The following VPS13B variants were observed in gnomAD, a reference collection of about 807,000 sequenced individuals.
The protein encoded by VPS13B is vacuolar protein sorting 13 homolog B, also known as intermembrane lipid transfer protein VPS13B.
VPS13B carries 285 observed loss-of-function variants against 426.4 expected under a neutral mutation model. The ratio of observed to expected loss-of-function variants is 0.67; its 90% CI spans 0.61 to 0.74. The LOEUF (loss-of-function observed/expected upper bound fraction) is 0.74. Among genes scored for constraint, VPS13B ranks in the 30% least tolerant of loss-of-function variants. The pLI is 0.00. For missense variants in VPS13B, 4,537 were observed against 4,782.6 expected (o/e 0.95, Z 1.51); for synonymous variants, 1,676 against 1,676.4 (o/e 1.00, Z 0.01).
intron 33 of VPS13B, among the ~76,000 whole-genome samples, chr8:99,636,575 C>T (rs1829078391): frequency 6.6e-6 from 1 of 151,958 alleles, no homozygotes; most frequent in East Asian, 1.9e-4. Context: ...TAAGAGTACA[C>T]ATCCTTTCCT....
intron 19 of VPS13B, among the ~76,000 whole-genome samples, chr8:99,323,296 C>T (rs1021419201): frequency 1.3e-5 from 2 of 152,142 alleles, no homozygotes; most frequent in African/African-American, 2.4e-5. Context: ...GAGTTTTAAA[C>T]AGTGACTCTT....
rs770945510 is a variant in VPS13B, at chr8:99,853,970, C to T, written c.10581C>T (p.Ser3527=). The T allele has an allele frequency of 6.2e-7, 1 of 1,614,224 alleles. No homozygotes were observed. Among genetic ancestry groups the T allele is most frequent in the Non-Finnish European group, 8.5e-7 (1 of 1,180,050 alleles). ...KTLFDTYLPN[S]RLAGHSTHLS... ...TGTTTGACACCTACCTTCCTAACAGCAGGTTGGCTGGTCACTCCACACACC... is the reference window on the plus strand; with the variant it reads ...TGTTTGACACCTACCTTCCTAACAGTAGGTTGGCTGGTCACTCCACACACC... Residue 3527 remains serine (S), a synonymous_variant, in exon 56 of 62, where the codon AGC becomes AGT. Transcript: ENST00000357162.
chr8:99,433,875 C>G (rs990526228), intron 22 of VPS13B, among the ~76,000 whole-genome samples: 15 of 152,052 alleles, frequency 9.9e-5, no homozygotes, highest in African/African-American at 3.6e-4. Context: ...GATGCGATCT[C>G]AACTCATTGC....
At position 99,109,376 on chromosome 8, in the gene VPS13B, TTTTC is replaced by T. The variant is rs1159497086; in HGVS notation, c.581-1710_581-1707del. On this transcript the variant is annotated intron_variant, in intron 5 of 61. Coordinates refer to ENST00000357162, the MANE Select transcript of VPS13B (RefSeq NM_152564.5). Reference sequence around the variant, plus strand: ...ATCCTTGAAATTTGAATACTTCACTTTTTCTTTCTTTCTTTTTTTTTTTTAAGAG... The same window carrying T: ...ATCCTTGAAATTTGAATACTTCACTTTTTCTTTCTTTTTTTTTTTTAAGAG... Among the ~76,000 whole-genome samples the T allele has an allele frequency of 2.6e-5, 4 of 151,688 alleles. 1 individual carries two copies. The highest frequency in any genetic ancestry group is 4.8e-5 in the African/African-American group (2 of 41,322).
chr8:99,238,240 G>A (rs1816741773), intron 17 of VPS13B, among the ~76,000 whole-genome samples: 1 of 149,990 alleles, frequency 6.7e-6, no homozygotes, highest in East Asian at 1.9e-4. Flanking sequence ...GAGTTTGTGG[G>A]AGTGTGTGTG....
chr8:99,234,060 A>G, intron 17 of VPS13B: 2 of 776,080 alleles, frequency 2.6e-6, no homozygotes, highest in Non-Finnish European at 4.7e-6. Context: ...GCAGCGGGAA[A>G]TCAGTCTGTC....
chr8:99,019,781 T>C (rs749035415), intron 2 of VPS13B, among the ~76,000 whole-genome samples: 2 of 152,240 alleles, frequency 1.3e-5, no homozygotes, highest in Non-Finnish European at 2.9e-5. Flanking sequence ...GCACAATGTC[T>C]CAAAAAGCTT....
At chr8:99,585,861 C>T (rs1826276581) in intron 33 of VPS13B, among the ~76,000 whole-genome samples, 1 of 152,080 alleles carries the variant, frequency 6.6e-6, no homozygotes, top group South Asian at 2.1e-4. Flanking sequence ...GCTTCCAATC[C>T]CTTACTATGT....
intron 20 of VPS13B, among the ~76,000 whole-genome samples, chr8:99,388,961 T>C (rs3110407): frequency 0.28 from 41,917 of 151,964 alleles, 6,438 homozygotes; most frequent in East Asian, 0.43. Flanking sequence ...TCAGCCTGGC[T>C]AAGATGGTGA....
intron 19 of VPS13B, among the ~76,000 whole-genome samples, chr8:99,312,039 A>G (rs960714163): frequency 6.6e-6 from 1 of 152,024 alleles, no homozygotes; most frequent in Non-Finnish European, 1.5e-5. Flanking sequence ...ATCTTCCTCC[A>G]TCCCTTTATT....
intron 23 of VPS13B, among the ~76,000 whole-genome samples, chr8:99,459,083 A>C (rs928411791): frequency 2.6e-5 from 4 of 152,180 alleles, no homozygotes; most frequent in African/African-American, 9.6e-5. Flanking sequence ...GTGGTCAGAT[A>C]ATATACTTTG....
chr8:99,465,499 G>T (rs1160383803), intron 23 of VPS13B, among the ~76,000 whole-genome samples: 2 of 150,550 alleles, frequency 1.3e-5, no homozygotes, highest in Non-Finnish European at 3.0e-5. Flanking sequence ...AACTGTGATA[G>T]TACCAATGTT....
intron 8 of VPS13B, among the ~76,000 whole-genome samples, chr8:99,123,758 A>G (rs1353553471): frequency 6.6e-6 from 1 of 152,150 alleles, no homozygotes; most frequent in Non-Finnish European, 1.5e-5. Flanking sequence ...CATGAATGAA[A>G]AAAAAAAGAT....
chr8:99,371,956 G>A (rs1315251815), intron 19 of VPS13B, among the ~76,000 whole-genome samples: 3 of 152,124 alleles, frequency 2.0e-5, no homozygotes, highest in East Asian at 1.9e-4. Context: ...ACATAGGCAT[G>A]GGCAAAGACT....
rs1393942553 is a variant in VPS13B, at chr8:99,818,908, A to G, written c.8621+20A>G. ...AGCAAGGTACTAGAAAAATCCTTCCATACATTTTACATTTTCCTAGGAGAA... is the reference window on the plus strand; with the variant it reads ...AGCAAGGTACTAGAAAAATCCTTCCGTACATTTTACATTTTCCTAGGAGAA... On this transcript the variant is annotated intron_variant, in intron 47 of 61. Transcript: ENST00000357162. 1.2e-6 allele frequency: 2 copies of G among 1,606,638 alleles called. No individual in the cohort carries two copies. Among genetic ancestry groups the G allele is most frequent in the Non-Finnish European group, 1.7e-6 (2 of 1,177,404 alleles).
At chr8:99,496,214 G>A (rs769012300) in intron 25 of VPS13B, among the ~76,000 whole-genome samples, 15 of 152,200 alleles carry the variant, frequency 9.9e-5, no homozygotes, top group Non-Finnish European at 1.8e-4. Flanking sequence ...AGAACATACT[G>A]CACTGTACTT....
Position 99,745,801 on chromosome 8 carries a change from T to C in VPS13B, c.7051-20973T>C, listed in dbSNP as rs117247192. Among the ~76,000 whole-genome samples, 22 of 152,242 alleles carry C rather than the reference T, an allele frequency of 1.4e-4. No homozygotes were observed. The East Asian group carries it at 4.3e-3, about 29-fold the overall frequency. ...TCTCCACTTTTTGTTGATGTTGTTA[T>C]TGTTTTTCTGGAATATTTTAAAAGA... is the stretch of plus-strand genomic sequence containing the variant. On this transcript the variant is annotated intron_variant, in intron 39 of 61. Coordinates refer to ENST00000357162, the MANE Select transcript of VPS13B (RefSeq NM_152564.5).
intron 16 of VPS13B, among the ~76,000 whole-genome samples, chr8:99,191,406 C>T (rs13250430): frequency 0.73 from 80,623 of 110,458 alleles, 29,794 homozygotes; most frequent in South Asian, 0.86. Flanking sequence ...TTTTTTGAGA[C>T]GGAGTCTGTC....
intron 24 of VPS13B, among the ~76,000 whole-genome samples, chr8:99,469,621 G>A (rs1488316421): frequency 1.3e-5 from 2 of 152,126 alleles, no homozygotes; most frequent in African/African-American, 2.4e-5. Context: ...TACTCTTTGA[G>A]TGCTGCTGCT....
Sources: gnomAD v4.1 joint callset for allele counts (sites outside exome capture counted in the v4.1 genomes callset) on GRCh38, gnomAD v4.1.1 for gene constraint, MANE v1.5 for transcripts, NCBI Gene and HGNC (gene_info 2026-07-23, HGNC 2026-07-21) for gene names.